GOLGA3: variants seen among roughly 807,000 people sequenced by gnomAD.
GOLGA3 encodes golgin A3.
Under a neutral mutation model 169.4 loss-of-function variants are expected in GOLGA3, and 75 were observed. The ratio of observed to expected loss-of-function variants is 0.44; its 90% CI spans 0.37 to 0.54. The LOEUF (loss-of-function observed/expected upper bound fraction) is 0.54, where lower values mean the gene tolerates loss of function less well. GOLGA3 is among the 20% of genes least tolerant of loss of function. The probability of loss-of-function intolerance (pLI) is 0.00; values close to 1 mark genes in which losing one functional copy is unlikely to be tolerated. For synonymous variants in GOLGA3, 824 were observed against 822.4 expected, an observed-to-expected ratio of 1.00 and a Z score of -0.03; for missense variants, 1,899 against 1,930.0, an observed-to-expected ratio of 0.98 and a Z score of 0.30.
At position 132,804,797 on chromosome 12, in the gene GOLGA3, G is replaced by T; in HGVS notation, c.1516C>A (p.Gln506Lys). ...ASLASSNNDL[Q>K]VAEEQYQRLM... Reference sequence around the variant, plus strand: ...CTCTGGTACTGCTCCTCGGCCACCTGCAAGTCGTTGTTGGACGACGCCAGG... The same window carrying T: ...CTCTGGTACTGCTCCTCGGCCACCTTCAAGTCGTTGTTGGACGACGCCAGG... The change falls in exon 7 of 24, where the codon CAG (glutamine) becomes AAG (lysine). Residue 506 changes from glutamine to lysine, a missense_variant. Gln to Lys is a moderately conservative substitution (Grantham distance 53). Coordinates refer to ENST00000450791, the MANE Select transcript of GOLGA3 (RefSeq NM_001389683.1). This position sits in a 1 kb window ranked among gnomAD's most constrained non-coding sequence, Gnocchi z 4.1. 1 of 1,614,216 alleles carries T rather than the reference G, an allele frequency of 6.2e-7. No homozygotes were observed. Among genetic ancestry groups the T allele is most frequent in the Non-Finnish European group, 8.5e-7 (1 of 1,180,030 alleles).
chr12:132,790,418 T>C (rs1158636066), intron 12 of GOLGA3, among the ~76,000 whole-genome samples: 1 of 152,064 alleles, frequency 6.6e-6, no homozygotes, highest in African/African-American at 2.4e-5. Flanking sequence ...ACAGCAGCAC[T>C]CACAATATAG....
At chr12:132,774,870 G>A (rs147850891) in intron 22 of GOLGA3, 82 of 527,116 alleles carry the variant, frequency 1.6e-4, no homozygotes, top group African/African-American at 1.4e-3. Flanking sequence ...AGGGACTGCC[G>A]AGTCACAGAC....
chr12:132,789,877 C>CA (rs1418385902), intron 12 of GOLGA3, among the ~76,000 whole-genome samples: 1 of 152,016 alleles, frequency 6.6e-6, no homozygotes, highest in Non-Finnish European at 1.5e-5. Flanking sequence ...ACTAAAAATA[C>CA]AAAAAACTAG....
chr12:132,786,472 T>G lies in GOLGA3; in HGVS notation c.2990A>C (p.Lys997Thr), dbSNP rs1186757517. Residue 997 changes from lysine to threonine, a missense_variant, in exon 15 of 24, where the codon AAG becomes ACG. Transcript: ENST00000450791. ...SAQKEMKTKHKAYENAVGILS... is the reference protein window; with the variant it reads ...SAQKEMKTKHTAYENAVGILS... ...GATGCCCACGGCGTTCTCGTAGGCC[T>G]TATGTTTGGTCTTCATCTCCTTCTG... The G allele has an allele frequency of 6.2e-7, 1 of 1,613,724 alleles. No individual in the cohort carries two copies. The highest frequency in any genetic ancestry group is 1.7e-5 in the Admixed American group (1 of 59,994).
At chr12:132,825,703 G>A (rs886778872) in intron 1 of GOLGA3, 5 of 1,321,372 alleles carry the variant, frequency 3.8e-6, no homozygotes, top group South Asian at 1.2e-5. Flanking sequence ...CCGGGAAGAT[G>A]GCGGACATTC....
intron 2 of GOLGA3, among the ~76,000 whole-genome samples, chr12:132,820,962 T>C (rs1215706647): frequency 1.3e-5 from 2 of 151,386 alleles, no homozygotes; most frequent in African/African-American, 2.4e-5. Context: ...TAGCTGGGTG[T>C]GGTGGCAGGT....
At chr12:132,782,867 C>T (rs2045680066) in intron 16 of GOLGA3, among the ~76,000 whole-genome samples, 2 of 135,914 alleles carry the variant, frequency 1.5e-5, no homozygotes, top group Non-Finnish European at 3.2e-5. Context: ...CACAGCGAGA[C>T]TCTGTCTCAA....
intron 2 of GOLGA3, 113 bp from the exon 3 acceptor site, chr12:132,816,925 C>G (rs867243404): frequency 5.2e-6 from 5 of 961,516 alleles, no homozygotes; most frequent in African/African-American, 1.7e-5. Context: ...GAGCACGGCA[C>G]TTTCTCATCC....
chr12:132,828,547 C>A (rs918889265), intron 1 of GOLGA3: 1 of 152,322 alleles, frequency 6.6e-6, no homozygotes, highest in Non-Finnish European at 1.5e-5. Context: ...GCTCGTCGGG[C>A]GCAGACAAGC....
intron 12 of GOLGA3, among the ~76,000 whole-genome samples, chr12:132,789,906 G>C (rs913921693): frequency 6.6e-6 from 1 of 152,178 alleles, no homozygotes; most frequent in Non-Finnish European, 1.5e-5. Flanking sequence ...GGTGGTGCAT[G>C]CTTGTAGTCC....
At chr12:132,821,420 AG>A (rs773574357) in intron 2 of GOLGA3, among the ~76,000 whole-genome samples, 4 of 142,182 alleles carry the variant, frequency 2.8e-5, no homozygotes, top group Non-Finnish European at 4.6e-5. Context: ...AAAAAAAAAA[AG>A]GTAGAATTTT....
At chr12:132,828,760 G>C (rs1159173259) in intron 1 of GOLGA3, 43 bp downstream of exon 1, 1 of 151,954 alleles carries the variant, frequency 6.6e-6, no homozygotes, top group East Asian at 1.9e-4. Context: ...GAGCGGGAGC[G>C]GGAGCCCGAG....
At chr12:132,818,507 G>A (rs1211105408) in intron 2 of GOLGA3, among the ~76,000 whole-genome samples, 1 of 152,174 alleles carries the variant, frequency 6.6e-6, no homozygotes, top group Non-Finnish European at 1.5e-5. Context: ...ACCAGCCTCG[G>A]CCTCCCACAG....
Position 132,808,222 on chromosome 12 carries a change from C to T in GOLGA3, c.847G>A (p.Val283Ile), listed in dbSNP as rs200254047. The T allele has an allele frequency of 8.3e-5, 134 of 1,613,796 alleles. No individual in the cohort carries two copies. In the African/African-American group the frequency reaches 1.1e-3, roughly 13 times the overall value. The change falls in exon 5 of 24, where the codon GTT becomes ATT. Residue 283 changes from valine (V) to isoleucine (I), a missense_variant. By Grantham distance (29) the Val-to-Ile change is conservative. Coordinates refer to ENST00000450791, the MANE Select transcript of GOLGA3 (RefSeq NM_001389683.1). ...GGGGACAGGCTGATCTCAGACACAACGGACGCCGCACTGCTTCTGTTCTGC... is the reference window on the plus strand; with the variant it reads ...GGGGACAGGCTGATCTCAGACACAATGGACGCCGCACTGCTTCTGTTCTGC... ...LKQNRSSAAS[V>I]VSEISLSPDT...
intron 1 of GOLGA3, chr12:132,825,915 T>C: frequency 1.0e-6 from 1 of 967,196 alleles, no homozygotes; most frequent in Non-Finnish European, 1.7e-6. Context: ...CGAGGGCGGA[T>C]CCTCTCTGGC....
intron 4 of GOLGA3, among the ~76,000 whole-genome samples, chr12:132,809,868 A>T (rs1471088554): frequency 6.6e-6 from 1 of 152,120 alleles, no homozygotes; most frequent in Non-Finnish European, 1.5e-5. Context: ...TCGGTGCCTG[A>T]GTGGCTTGCC....
chr12:132,825,021 C>A (rs1950352497), intron 1 of GOLGA3, among the ~76,000 whole-genome samples: 3 of 152,190 alleles, frequency 2.0e-5, no homozygotes, highest in African/African-American at 7.2e-5. Flanking sequence ...TACAAACTGG[C>A]ACGGAGGACT....
intron 15 of GOLGA3, among the ~76,000 whole-genome samples, chr12:132,784,523 C>T (rs934291496): frequency 6.6e-6 from 1 of 152,200 alleles, no homozygotes. Flanking sequence ...CAAACAAAAT[C>T]ATCTCTTCAG....
rs199980892 is a variant in GOLGA3 at position 132,791,340 on chromosome 12, G to A, written c.2470-47C>T. 5.8e-5 allele frequency: 62 copies of A among 1,068,974 alleles called. No individual in the cohort carries two copies. In the African/African-American group the frequency reaches 8.8e-4, roughly 15 times the overall value. The allele number at this position is 1,068,974 out of a possible 1,614,324, so 66.2% of individuals were successfully genotyped here. ...ACATTACACTGACGGCTCCAGGAGG[G>A]GAATCTGTCTGCACAGATGTTACAC... On this transcript the variant is annotated intron_variant, in intron 11 of 23. Transcript: ENST00000450791.
Sources: gnomAD v4.1 joint callset for allele counts (sites outside exome capture counted in the v4.1 genomes callset) on GRCh38, gnomAD v4.1.1 for gene constraint, Gnocchi (gnomAD v3.1) non-coding constraint, MANE v1.5 for transcripts, NCBI Gene and HGNC (gene_info 2026-07-23, HGNC 2026-07-21) for gene names.